RIT2: variants seen among roughly 807,000 people sequenced by gnomAD.
RIT2 encodes the protein Ras like without CAAX 2.
RIT2 carries 24 observed loss-of-function variants against 23.7 expected under a neutral mutation model. That is an observed-to-expected ratio of 1.01 (90% CI 0.73 to 1.43). The LOEUF (loss-of-function observed/expected upper bound fraction) is 1.43, where lower values mean the gene tolerates loss of function less well. Ranked by LOEUF, RIT2 falls within the 40% of genes most tolerant of loss-of-function variation. The pLI is 0.00. For missense variants in RIT2, 236 were observed against 266.9 expected (o/e 0.88, Z 0.81); for synonymous variants, 107 against 91.1 (o/e 1.17, Z -0.99).
chr18:42,956,889 C>T (rs1178920470), intron 3 of RIT2, among the ~76,000 whole-genome samples: 1 of 152,074 alleles, frequency 6.6e-6, no homozygotes, highest in East Asian at 1.9e-4. Context: ...GAGGTGAGAA[C>T]AAGCTGGAGA....
intron 4 of RIT2, among the ~76,000 whole-genome samples, chr18:42,883,636 T>C (rs1568020767): frequency 6.6e-6 from 1 of 152,168 alleles, no homozygotes; most frequent in Non-Finnish European, 1.5e-5. Flanking sequence ...GAATTTGTGA[T>C]TATGTAAATA....
At chr18:42,915,401 A>C (rs1908881150) in intron 4 of RIT2, among the ~76,000 whole-genome samples, 1 of 152,072 alleles carries the variant, frequency 6.6e-6, no homozygotes, top group Non-Finnish European at 1.5e-5. Flanking sequence ...AAATTACAAA[A>C]GGTTAGTTAA....
chr18:43,021,633 G>A (rs368297095), intron 2 of RIT2, among the ~76,000 whole-genome samples: 167 of 152,080 alleles, frequency 1.1e-3, no homozygotes, highest in African/African-American at 3.8e-3. Flanking sequence ...GTGAGATCTG[G>A]TTGTTTAAAT....
At position 42,858,373 on chromosome 18, in the gene RIT2, A is replaced by G. The variant is rs149222019; in HGVS notation, c.426+65199T>C. Among the ~76,000 whole-genome samples, 977 of 152,290 alleles carry G rather than the reference A, an allele frequency of 6.4e-3. 5 individuals are homozygous for G. The highest frequency in any genetic ancestry group is 0.013 in the South Asian group (65 of 4,824). On this transcript the variant is annotated intron_variant, in intron 4 of 4. Transcript: ENST00000326695. ...CTTTGCACTCTCCCAGTGAGCCCCA[A>G]TAGCAGTGTGCTATTTTCAGAAGCT... is the stretch of plus-strand genomic sequence containing the variant.
At chr18:42,954,044 A>G (rs188857240) in intron 3 of RIT2, among the ~76,000 whole-genome samples, 7 of 152,224 alleles carry the variant, frequency 4.6e-5, no homozygotes, top group Admixed American at 3.3e-4. Flanking sequence ...AGAGAAGAGT[A>G]TAAAAGCAGA....
chr18:43,025,624 A>G (rs2144271225), intron 2 of RIT2, among the ~76,000 whole-genome samples: 1 of 152,232 alleles, frequency 6.6e-6, no homozygotes, highest in Admixed American at 6.5e-5. Flanking sequence ...TCACACACAC[A>G]CATATATATA....
intron 4 of RIT2, among the ~76,000 whole-genome samples, chr18:42,817,257 T>C (rs527642094): frequency 6.6e-6 from 1 of 152,186 alleles, no homozygotes; most frequent in Non-Finnish European, 1.5e-5. Context: ...AAGTTGATTC[T>C]TTTTTAATAT....
chr18:43,012,374 A>G (rs1162584401), intron 2 of RIT2, among the ~76,000 whole-genome samples: 1 of 151,858 alleles, frequency 6.6e-6, no homozygotes, highest in Non-Finnish European at 1.5e-5. Flanking sequence ...TGAACTTTTC[A>G]GCACTGCATT....
At chr18:42,936,575 T>A (rs1301848773) in intron 3 of RIT2, among the ~76,000 whole-genome samples, 2 of 152,222 alleles carry the variant, frequency 1.3e-5, no homozygotes, top group South Asian at 2.1e-4. Flanking sequence ...AAACTTTTCC[T>A]GACTCCTGTT....
chr18:43,066,937 G>C (rs187247518), intron 1 of RIT2, among the ~76,000 whole-genome samples: 216 of 151,164 alleles, frequency 1.4e-3, no homozygotes, highest in Admixed American at 8.5e-3. Context: ...TGTGATTGTA[G>C]TAAATTGATG....
Position 42,907,754 on chromosome 18 carries a change from G to A in RIT2, c.426+15818C>T, listed in dbSNP as rs186073437. Reference sequence around the variant, plus strand: ...CCAGTGCTTTGGGAGGCCAAGGCAGGAGGATTCTTGGAGGCCAGGGGTTCC... The same window carrying A: ...CCAGTGCTTTGGGAGGCCAAGGCAGAAGGATTCTTGGAGGCCAGGGGTTCC... On this transcript the variant is annotated intron_variant, in intron 4 of 4. Coordinates refer to ENST00000326695, the MANE Select transcript of RIT2 (RefSeq NM_002930.4). Among the ~76,000 whole-genome samples, 3 of 54,338 alleles carry A rather than the reference G, an allele frequency of 5.5e-5. No homozygotes were observed. The East Asian group carries it at 6.5e-4, about 12-fold the overall frequency. 35.6% of individuals were successfully genotyped at this position (54,338 alleles called of 152,430 possible).
intron 3 of RIT2, among the ~76,000 whole-genome samples, chr18:42,924,550 T>C (rs1909135012): frequency 6.6e-6 from 1 of 152,064 alleles, no homozygotes; most frequent in Non-Finnish European, 1.5e-5. Flanking sequence ...ACTTTTATTC[T>C]GAAACTACTG....
intron 3 of RIT2, among the ~76,000 whole-genome samples, chr18:42,953,866 C>A (rs1295011304): frequency 6.6e-6 from 1 of 152,068 alleles, no homozygotes; most frequent in Non-Finnish European, 1.5e-5. Flanking sequence ...GAGAGCCCTT[C>A]CAACTATTAT....
At chr18:42,826,448 A>G (rs1906300177) in intron 4 of RIT2, among the ~76,000 whole-genome samples, 1 of 152,120 alleles carries the variant, frequency 6.6e-6, no homozygotes, top group Admixed American at 6.5e-5. Flanking sequence ...AACATTTCAT[A>G]AAATTTTACG....
At chr18:43,063,475 T>A (rs1393591594) in intron 1 of RIT2, among the ~76,000 whole-genome samples, 1 of 152,176 alleles carries the variant, frequency 6.6e-6, no homozygotes, top group Non-Finnish European at 1.5e-5. Flanking sequence ...TTGATAACCC[T>A]TAGGCATTAA....
intron 1 of RIT2, among the ~76,000 whole-genome samples, chr18:43,041,987 C>CA (rs997168283): frequency 6.6e-6 from 1 of 152,058 alleles, no homozygotes; most frequent in African/African-American, 2.4e-5. Context: ...AACCCACACC[C>CA]ACTCCTCCAA....
intron 3 of RIT2, among the ~76,000 whole-genome samples, chr18:42,938,881 G>A (rs1313189508): frequency 6.6e-6 from 1 of 152,040 alleles, no homozygotes; most frequent in African/African-American, 2.4e-5. Flanking sequence ...TAGGACTACA[G>A]TCATGTGCCA....
Position 42,910,108 on chromosome 18 carries a change from A to C in RIT2, c.426+13464T>G, listed in dbSNP as rs1160139272. Among the ~76,000 whole-genome samples, 4 of 152,262 alleles carry C rather than the reference A, an allele frequency of 2.6e-5. No homozygotes were observed. The East Asian group carries it at 7.7e-4, about 29-fold the overall frequency. On this transcript the variant is annotated intron_variant, in intron 4 of 4. Transcript: ENST00000326695. ...ATAAACAGCTATAATGAAAAACATA[A>C]ATACATCAAAATAGAATTCTAAAAC... is the stretch of plus-strand genomic sequence containing the variant.
chr18:43,079,027 G>A (rs1194593223), intron 1 of RIT2, among the ~76,000 whole-genome samples: 1 of 152,118 alleles, frequency 6.6e-6, no homozygotes, highest in Non-Finnish European at 1.5e-5. Context: ...TGAATACTTA[G>A]CACTTTTTTT....
Sources: allele counts gnomAD v4.1 joint callset (sites outside exome capture counted in the v4.1 genomes callset), GRCh38; gene constraint gnomAD v4.1.1; transcripts MANE v1.5; gene names NCBI Gene and HGNC (gene_info 2026-07-23, HGNC 2026-07-21).